The following NT5M variants were observed in gnomAD, a reference collection of about 807,000 sequenced individuals.
NT5M encodes the protein 5',3'-nucleotidase, mitochondrial.
A neutral mutation model predicts 22.2 loss-of-function variants in NT5M; 22 were observed. The observed-to-expected ratio is 0.99, with a 90% confidence interval of 0.71 to 1.41. The LOEUF (loss-of-function observed/expected upper bound fraction) is 1.41. NT5M is among the 40% of genes most tolerant of loss of function. The pLI is 0.00. For synonymous variants in NT5M, 167 were observed against 133.0 expected (o/e 1.26, Z -1.76); for missense variants, 322 against 314.8 (o/e 1.02, Z -0.17).
intron 3 of NT5M, among the ~76,000 whole-genome samples, chr17:17,331,521 C>G (rs1440407054): frequency 2.6e-5 from 4 of 151,616 alleles, no homozygotes; most frequent in Admixed American, 1.3e-4. Flanking sequence ...CTAACTCACT[C>G]CTTCTAGTTA....
intron 4 of NT5M, chr17:17,345,427 C>A: frequency 4.7e-6 from 1 of 214,714 alleles, no homozygotes; most frequent in Non-Finnish European, 8.1e-6. Context: ...ATTTGGGAGG[C>A]TGATGTGGGT....
intron 3 of NT5M, among the ~76,000 whole-genome samples, chr17:17,343,542 C>G (rs1378145905): frequency 6.6e-6 from 1 of 152,118 alleles, no homozygotes; most frequent in Non-Finnish European, 1.5e-5. Flanking sequence ...GAAGCGACCT[C>G]CAACTGGAAG....
intron 2 of NT5M, among the ~76,000 whole-genome samples, chr17:17,314,425 A>G (rs73302331): frequency 0.022 from 3,341 of 151,738 alleles, 136 homozygotes; most frequent in African/African-American, 0.077. Context: ...ACCTTGGCCC[A>G]CTCTTCTTGC....
intron 4 of NT5M, chr17:17,345,197 T>C: frequency 8.5e-7 from 1 of 1,174,146 alleles, no homozygotes; most frequent in South Asian, 2.9e-5. Context: ...ACATGGGGAC[T>C]CAACTCTGGT....
At chr17:17,341,457 G>A (rs892993904) in intron 3 of NT5M, among the ~76,000 whole-genome samples, 1 of 152,172 alleles carries the variant, frequency 6.6e-6, no homozygotes, top group East Asian at 1.9e-4. Flanking sequence ...AGACAAAAAG[G>A]TAGAATCCTT....
At chr17:17,329,592 G>A (rs1004842318) in intron 3 of NT5M, among the ~76,000 whole-genome samples, 8 of 152,190 alleles carry the variant, frequency 5.3e-5, no homozygotes, top group Admixed American at 3.3e-4. Context: ...GCTTGGGTGC[G>A]AAGGGGAATG....
chr17:17,334,518 C>G (rs371892914), intron 3 of NT5M, among the ~76,000 whole-genome samples: 3 of 131,460 alleles, frequency 2.3e-5, no homozygotes, highest in African/African-American at 8.6e-5. Context: ...CTTGCTCTGT[C>G]GCCAGGCTGG....
intron 2 of NT5M, among the ~76,000 whole-genome samples, chr17:17,320,044 G>A (rs2049118183): frequency 6.6e-6 from 1 of 152,250 alleles, no homozygotes; most frequent in South Asian, 2.1e-4. Flanking sequence ...GTTTCACCAT[G>A]TTGACCAGGC....
At chr17:17,330,742 C>CTTTTTT (rs58633073) in intron 3 of NT5M, among the ~76,000 whole-genome samples, 4 of 118,720 alleles carry the variant, frequency 3.4e-5, no homozygotes, top group Non-Finnish European at 5.1e-5. Context: ...TTCTTTCTTT[C>CTTTTTT]TTTTTTTTTT....
intron 2 of NT5M, among the ~76,000 whole-genome samples, chr17:17,321,265 G>A (rs866959738): frequency 1.3e-5 from 2 of 151,952 alleles, no homozygotes; most frequent in South Asian, 2.1e-4. Context: ...CATGGAGGAG[G>A]ATAGCAAGTG....
At position 17,328,121 on chromosome 17, in the gene NT5M, G is replaced by C. The variant is rs145178898; in HGVS notation, c.429+4876G>C. Among the ~76,000 whole-genome samples, 173 of 152,256 alleles carry C rather than the reference G, an allele frequency of 1.1e-3. 1 individual carries two copies. Among genetic ancestry groups the C allele is most frequent in the Non-Finnish European group, 1.6e-3 (112 of 68,026 alleles). ...TTCATTTCCACTGTACCAGCCGTGG[G>C]CAGGGTACTTTCCTCCTGCCAGGGG... On this transcript the variant is annotated intron_variant, in intron 3 of 4. Coordinates refer to ENST00000389022, the MANE Select transcript of NT5M (RefSeq NM_020201.4).
chr17:17,309,127 C>CTTTTTT (rs35861887), intron 2 of NT5M, among the ~76,000 whole-genome samples: 1 of 140,446 alleles, frequency 7.1e-6, no homozygotes, highest in African/African-American at 2.6e-5. Context: ...TTCTTTCTTT[C>CTTTTTT]TTTTTTTTTT....
At chr17:17,309,903 C>T (rs150545346) in intron 2 of NT5M, among the ~76,000 whole-genome samples, 1,810 of 151,222 alleles carry the variant, frequency 0.012, 38 homozygotes, top group African/African-American at 0.04. Flanking sequence ...TGGCTCACTG[C>T]AACCTCTGCC....
intron 2 of NT5M, 108 bp downstream of exon 2, chr17:17,306,751 G>C (rs935799710): frequency 1.2e-5 from 10 of 802,822 alleles, no homozygotes; most frequent in African/African-American, 3.4e-5. Flanking sequence ...TCTCTCCTTG[G>C]CCCTGCGCAA....
At chr17:17,341,755 G>A (rs761606286) in intron 3 of NT5M, among the ~76,000 whole-genome samples, 22 of 152,216 alleles carry the variant, frequency 1.4e-4, no homozygotes, top group Non-Finnish European at 3.1e-4. Flanking sequence ...CCCTGGCTGG[G>A]TGCAGTGGGT....
chr17:17,321,666 C>T lies in NT5M; in HGVS notation c.369-1519C>T, dbSNP rs199705961. ...AACTGATGATGTGAATTTTCTTCTC[C>T]GGCAACATTTAGTTGCTTGGGTGCA... On this transcript the variant is annotated intron_variant, in intron 2 of 4. Coordinates refer to ENST00000389022, the MANE Select transcript of NT5M (RefSeq NM_020201.4). 5.3e-5 allele frequency among the ~76,000 whole-genome samples: 8 copies of T among 151,928 alleles called. No homozygotes were observed. In the East Asian group the frequency reaches 1.4e-3, roughly 26 times the overall value.
In NT5M at chr17:17,303,416, C is replaced by G. The variant is rs1241165179; in HGVS notation, c.-135C>G. On this transcript the variant is annotated 5_prime_UTR_variant, in exon 1 of 5. Coordinates refer to ENST00000389022, the MANE Select transcript of NT5M (RefSeq NM_020201.4). ...GCGCGCCCGCACCCCGCGCTCCCCG[C>G]CCCGCTCCCCGTCCCGCGCTCCACG... 3 of 976,260 alleles carry G rather than the reference C, an allele frequency of 3.1e-6. No homozygotes were observed. The highest frequency in any genetic ancestry group is 3.7e-6 in the Non-Finnish European group (3 of 819,450). 60.5% of individuals were successfully genotyped at this position (976,260 alleles called of 1,614,324 possible).
intron 3 of NT5M, among the ~76,000 whole-genome samples, chr17:17,329,179 T>C (rs1489787606): frequency 1.3e-5 from 2 of 152,060 alleles, no homozygotes; most frequent in Non-Finnish European, 2.9e-5. Context: ...GGGGTTTCAC[T>C]GTGTTAGCCA....
intron 1 of NT5M, chr17:17,304,020 G>C: frequency 8.1e-7 from 1 of 1,227,888 alleles, no homozygotes; most frequent in Non-Finnish European, 1.0e-6. Flanking sequence ...GCCATCCAAG[G>C]TTTCTGAAAA....
Sources: allele counts gnomAD v4.1 joint callset (sites outside exome capture counted in the v4.1 genomes callset), GRCh38; gene constraint gnomAD v4.1.1; transcripts MANE v1.5; gene names NCBI Gene and HGNC (gene_info 2026-07-23, HGNC 2026-07-21).